Variants in PRKCA observed in about 807,000 individuals in gnomAD.
PRKCA encodes the protein protein kinase C alpha.
Under a neutral mutation model 87.0 loss-of-function variants are expected in PRKCA, and 27 were observed. The observed-to-expected ratio is 0.31, with a 90% CI of 0.23 to 0.43. The LOEUF is 0.43. PRKCA is among the 20% of genes least tolerant of loss of function. The pLI, the probability that PRKCA is intolerant of heterozygous loss-of-function variation, is 1.00. For synonymous variants in PRKCA, 329 were observed against 311.1 expected (o/e 1.06, Z -0.61); for missense variants, 518 against 852.3 (o/e 0.61, Z 4.88).
At chr17:66,459,059 A>T (rs1914712294) in intron 2 of PRKCA, among the ~76,000 whole-genome samples, 1 of 152,124 alleles carries the variant, frequency 6.6e-6, no homozygotes, top group Non-Finnish European at 1.5e-5. Flanking sequence ...GAACACACTC[A>T]GGTATTGTTA....
intron 2 of PRKCA, among the ~76,000 whole-genome samples, chr17:66,413,004 A>G (rs774929691): frequency 2.6e-4 from 40 of 152,052 alleles, no homozygotes; most frequent in African/African-American, 3.1e-4. Context: ...ACACCAAGCA[A>G]TTCTCCAGCA....
At chr17:66,629,370 G>A (rs1300682493) in intron 3 of PRKCA, among the ~76,000 whole-genome samples, 1 of 152,170 alleles carries the variant, frequency 6.6e-6, no homozygotes, top group Non-Finnish European at 1.5e-5. Flanking sequence ...CTACCAAAGA[G>A]TGGACTTCAA....
chr17:66,393,945 G>A lies in PRKCA; in HGVS notation c.205+87818G>A, dbSNP rs568349559. Among the ~76,000 whole-genome samples the A allele has an allele frequency of 1.1e-4, 17 of 152,180 alleles. No individual in the cohort carries two copies. In the South Asian group the frequency reaches 3.3e-3, roughly 30 times the overall value. ...AAAAATTGGCCCGGGCATGGTGGCA[G>A]ACGCCTGTAATCCCACCTACTCGGG... On this transcript the variant is annotated intron_variant, in intron 2 of 16. Transcript: ENST00000413366.
At chr17:66,455,457 G>A (rs1180648127) in intron 2 of PRKCA, among the ~76,000 whole-genome samples, 1 of 152,204 alleles carries the variant, frequency 6.6e-6, no homozygotes, top group Non-Finnish European at 1.5e-5. Context: ...CCAGGAAAAT[G>A]ATGGTAAATG....
At chr17:66,304,055 A>G (rs891025450) in intron 1 of PRKCA, among the ~76,000 whole-genome samples, 3 of 152,314 alleles carry the variant, frequency 2.0e-5, no homozygotes, top group African/African-American at 7.2e-5. Context: ...AACCCTGTTG[A>G]TGAGGGCAGA....
At chr17:66,798,833 ATGG>A (rs1975777370) in intron 16 of PRKCA, among the ~76,000 whole-genome samples, 10 of 2,156 alleles carry the variant, frequency 4.6e-3, no homozygotes, top group East Asian at 0.027. Context: ...GGTGGTGGTG[ATGG>A]TGGTGGTGGT....
intron 8 of PRKCA, among the ~76,000 whole-genome samples, chr17:66,690,657 A>G (rs1188778753): frequency 1.3e-5 from 2 of 151,572 alleles, no homozygotes; most frequent in Admixed American, 6.6e-5. Context: ...GCGAAACCCA[A>G]TCTCTACTAA....
chr17:66,326,565 T>C (rs4433842), intron 2 of PRKCA, among the ~76,000 whole-genome samples: 57,545 of 152,100 alleles, frequency 0.38, 10,974 homozygotes, highest in Middle Eastern at 0.54. Flanking sequence ...ATCCTCTTTT[T>C]TGTATCCCTA....
At chr17:66,761,952 G>T (rs1974696086) in intron 13 of PRKCA, among the ~76,000 whole-genome samples, 1 of 152,116 alleles carries the variant, frequency 6.6e-6, no homozygotes, top group African/African-American at 2.4e-5. Context: ...GCCAAGGAGG[G>T]TGTCCTAATA....
chr17:66,414,149 A>T (rs1241310088), intron 2 of PRKCA, among the ~76,000 whole-genome samples: 1 of 152,126 alleles, frequency 6.6e-6, no homozygotes, highest in Non-Finnish European at 1.5e-5. Flanking sequence ...TATGGTTTGG[A>T]TCTGCATCCC....
At chr17:66,663,315 T>C (rs764330109) in intron 5 of PRKCA, among the ~76,000 whole-genome samples, 5 of 152,214 alleles carry the variant, frequency 3.3e-5, no homozygotes, top group South Asian at 2.1e-4. Context: ...GAGGAACCAA[T>C]AAATATTTTT....
intron 5 of PRKCA, among the ~76,000 whole-genome samples, chr17:66,646,073 A>C (rs1320140360): frequency 1.3e-5 from 2 of 152,218 alleles, no homozygotes; most frequent in African/African-American, 4.8e-5. Context: ...AAGGAAACTG[A>C]GGCACAGAGA....
intron 3 of PRKCA, among the ~76,000 whole-genome samples, chr17:66,538,892 C>T (rs1019753341): frequency 2.0e-5 from 3 of 152,296 alleles, no homozygotes; most frequent in Non-Finnish European, 2.9e-5. Flanking sequence ...AGAACAGCAT[C>T]GCCATTTCTG....
chr17:66,766,629 A>G (rs1484437825), intron 13 of PRKCA, among the ~76,000 whole-genome samples: 2 of 151,946 alleles, frequency 1.3e-5, no homozygotes, highest in African/African-American at 4.8e-5. Flanking sequence ...GCAACATGGC[A>G]AAACCCTGTC....
At chr17:66,709,301 CTTTTTTTTTTTTTTT>C (rs552633887) in intron 8 of PRKCA, among the ~76,000 whole-genome samples, 1 of 84,872 alleles carries the variant, frequency 1.2e-5, no homozygotes, top group East Asian at 3.9e-4. Context: ...GAGATGATTT[CTTTTTTTTTTTTTTT>C]TTTTTTTTTT....
At chr17:66,773,785 C>T (rs769963542) in intron 13 of PRKCA, among the ~76,000 whole-genome samples, 50 of 152,150 alleles carry the variant, frequency 3.3e-4, no homozygotes, top group Non-Finnish European at 5.1e-4. Flanking sequence ...CCAAACCAGC[C>T]GTGGGCAGTG....
chr17:66,472,651 C>G lies in PRKCA; in HGVS notation c.206-23550C>G, dbSNP rs16959377. 8.0e-3 allele frequency among the ~76,000 whole-genome samples: 1,225 copies of G among 152,220 alleles called. 19 individuals are homozygous for G. The highest frequency in any genetic ancestry group is 0.028 in the African/African-American group (1,143 of 41,538). On this transcript the variant is annotated intron_variant, in intron 2 of 16. Coordinates refer to ENST00000413366, the MANE Select transcript of PRKCA (RefSeq NM_002737.3). ...AGTGAATATCTTCAAATTAACAAGA[C>G]GTAACATCCCTTTCCTGCCTTTAGC...
At chr17:66,349,348 G>T (rs1358128667) in intron 2 of PRKCA, among the ~76,000 whole-genome samples, 2 of 152,148 alleles carry the variant, frequency 1.3e-5, no homozygotes, top group African/African-American at 4.8e-5. Context: ...TGAATATGCT[G>T]CCTGCCTACC....
chr17:66,499,870 G>T (rs1916652449), intron 3 of PRKCA, among the ~76,000 whole-genome samples: 1 of 152,126 alleles, frequency 6.6e-6, no homozygotes, highest in Non-Finnish European at 1.5e-5. Flanking sequence ...AAAAGATCAT[G>T]CATTCACACC....
Sources: gnomAD v4.1 joint callset for allele counts (sites outside exome capture counted in the v4.1 genomes callset) on GRCh38, gnomAD v4.1.1 for gene constraint, MANE v1.5 for transcripts, NCBI Gene and HGNC (gene_info 2026-07-23, HGNC 2026-07-21) for gene names.